The following RAD51B variants were observed in gnomAD, a reference collection of about 807,000 sequenced individuals.
RAD51B encodes the protein RAD51 paralog B.
A neutral mutation model predicts 42.2 loss-of-function variants in RAD51B; 38 were observed. The observed-to-expected ratio is 0.90, with a 90% confidence interval of 0.70 to 1.18. The LOEUF (loss-of-function observed/expected upper bound fraction) is 1.18. Among genes scored for constraint, RAD51B ranks in the 50% most tolerant of loss-of-function variants. The pLI, the probability that RAD51B is intolerant of heterozygous loss-of-function variation, is 0.00. For missense variants in RAD51B, 373 were observed against 400.7 expected, an observed-to-expected ratio of 0.93 and a Z score of 0.59; for synonymous variants, 154 against 145.2, an observed-to-expected ratio of 1.06 and a Z score of -0.43.
intron 9 of RAD51B, among the ~76,000 whole-genome samples, chr14:68,421,260 G>C (rs1205687525): frequency 6.6e-6 from 1 of 152,086 alleles, no homozygotes; most frequent in African/African-American, 2.4e-5. Context: ...AGCAGGTCCA[G>C]CTTGGAGCAT....
intron 10 of RAD51B, among the ~76,000 whole-genome samples, chr14:68,475,121 A>G (rs1178347790): frequency 6.6e-6 from 1 of 152,248 alleles, no homozygotes; most frequent in African/African-American, 2.4e-5. Context: ...CCTTAAGGAC[A>G]TTAACCAGAA....
intron 10 of RAD51B, among the ~76,000 whole-genome samples, chr14:68,536,893 A>G (rs1887654269): frequency 6.7e-6 from 1 of 150,370 alleles, no homozygotes; most frequent in East Asian, 2.0e-4. Context: ...ACCAGCCTGG[A>G]AACAGAGATG....
downstream of RAD51B, among the ~76,000 whole-genome samples, chr14:68,597,803 T>TAAA (rs11423187): frequency 7.0e-6 from 1 of 143,536 alleles, no homozygotes; most frequent in Non-Finnish European, 1.5e-5. Context: ...AAATACAAGT[T>TAAA]AAAAAAAAAA....
chr14:68,183,779 C>T (rs926060650), intron 7 of RAD51B, among the ~76,000 whole-genome samples: 4 of 151,960 alleles, frequency 2.6e-5, no homozygotes, highest in South Asian at 2.1e-4. Context: ...GAGACCCCAT[C>T]GCTACAAAAA....
chr14:68,465,138 A>G (rs1208199714), intron 9 of RAD51B, among the ~76,000 whole-genome samples: 2 of 152,188 alleles, frequency 1.3e-5, no homozygotes, highest in Non-Finnish European at 2.9e-5. Flanking sequence ...AAAATATAGC[A>G]TGATACTTTA....
chr14:67,897,460 T>C (rs1053996439), intron 7 of RAD51B, among the ~76,000 whole-genome samples: 2 of 151,840 alleles, frequency 1.3e-5, no homozygotes, highest in African/African-American at 2.4e-5. Flanking sequence ...AAGAACTGAA[T>C]AGAAATTTCT....
At chr14:68,482,261 A>G (rs988899834), downstream of RAD51B, among the ~76,000 whole-genome samples, 1 of 151,614 alleles carries the variant, frequency 6.6e-6, no homozygotes, top group Non-Finnish European at 1.5e-5. Context: ...TGGCCATTCT[A>G]TTAAGGTATT....
chr14:67,955,645 A>G (rs961815450), intron 7 of RAD51B, among the ~76,000 whole-genome samples: 2 of 152,270 alleles, frequency 1.3e-5, no homozygotes, highest in African/African-American at 2.4e-5. Flanking sequence ...GAAATACTAC[A>G]TATATCAATT....
At chr14:67,997,928 C>T (rs576213172) in intron 7 of RAD51B, among the ~76,000 whole-genome samples, 6 of 152,276 alleles carry the variant, frequency 3.9e-5, no homozygotes, top group African/African-American at 1.2e-4. Flanking sequence ...CTGATGAATG[C>T]AGAACTCTAT....
chr14:68,643,044 T>TAC, intron 10 of RAD51B, among the ~76,000 whole-genome samples: 3 of 152,246 alleles, frequency 2.0e-5, no homozygotes, highest in Admixed American at 6.5e-5. Context: ...CCATGTGTGC[T>TAC]TGAGAAGAAT....
At chr14:68,059,196 C>A (rs532241725) in intron 7 of RAD51B, among the ~76,000 whole-genome samples, 1 of 152,208 alleles carries the variant, frequency 6.6e-6, no homozygotes, top group East Asian at 1.9e-4. Flanking sequence ...CTGCCACTGC[C>A]CTAATTCTGG....
Position 68,025,362 on chromosome 14 carries a change from T to C in RAD51B, c.756+138158T>C, listed in dbSNP as rs898401622. Among the ~76,000 whole-genome samples the C allele has an allele frequency of 3.9e-5, 6 of 152,098 alleles. 1 individual carries two copies. The highest frequency in any genetic ancestry group is 2.0e-4 in the Admixed American group (3 of 15,258). On this transcript the variant is annotated intron_variant, in intron 7 of 10. Transcript: ENST00000471583. ...ATCAGGTAATGCTGGCTTCATAGAA[T>C]GAGTTATGGAGGAGTCCCTCTTCCT...
chr14:67,941,838 C>A (rs1421447571), intron 7 of RAD51B, among the ~76,000 whole-genome samples: 1 of 152,206 alleles, frequency 6.6e-6, no homozygotes, highest in Admixed American at 6.5e-5. Flanking sequence ...TTGGCCCCAG[C>A]CTAGTTTTCT....
At chr14:67,823,955 C>A (rs947896993) in intron 2 of RAD51B, among the ~76,000 whole-genome samples, 12 of 152,150 alleles carry the variant, frequency 7.9e-5, no homozygotes, top group Non-Finnish European at 1.5e-4. Flanking sequence ...CTCTTAAAAG[C>A]AAAAGAAATT....
intron 8 of RAD51B, among the ~76,000 whole-genome samples, chr14:68,385,281 C>T (rs1594760622): frequency 6.6e-6 from 1 of 152,190 alleles, no homozygotes; most frequent in African/African-American, 2.4e-5. Flanking sequence ...CAGCCCCTGG[C>T]AACAGAAATT....
intron 7 of RAD51B, among the ~76,000 whole-genome samples, chr14:68,023,484 G>A (rs1373061376): frequency 1.3e-5 from 2 of 152,100 alleles, no homozygotes; most frequent in African/African-American, 4.8e-5. Context: ...GCGCCATGAG[G>A]CCTGGCTAAT....
intron 7 of RAD51B, among the ~76,000 whole-genome samples, chr14:67,889,852 T>A (rs1463511799): frequency 6.6e-6 from 1 of 152,152 alleles, no homozygotes; most frequent in Admixed American, 6.5e-5. Flanking sequence ...AATTAAAAAA[T>A]TTTCACAGAG....
intron 7 of RAD51B, among the ~76,000 whole-genome samples, chr14:68,088,209 G>A (rs1458773150): frequency 6.6e-6 from 1 of 151,018 alleles, no homozygotes; most frequent in African/African-American, 2.4e-5. Context: ...AAGGACAAAG[G>A]TTTTGTTACA....
intron 10 of RAD51B, chr14:68,628,205 C>T (rs73285871): frequency 4.5e-4 from 68 of 152,362 alleles, no homozygotes; most frequent in African/African-American, 1.6e-3. Flanking sequence ...ATCATTTTAT[C>T]TTGAGCTGTG....
Sources: gnomAD v4.1 joint callset for allele counts (sites outside exome capture counted in the v4.1 genomes callset) on GRCh38, gnomAD v4.1.1 for gene constraint, MANE v1.5 for transcripts, NCBI Gene and HGNC (gene_info 2026-07-23, HGNC 2026-07-21) for gene names.